CAMTA1: variants seen among roughly 807,000 people sequenced by gnomAD.
The protein encoded by CAMTA1 is calmodulin binding transcription activator 1, also known as calmodulin-binding transcription activator 1.
A neutral mutation model predicts 170.9 loss-of-function variants in CAMTA1; 27 were observed. That is an observed-to-expected ratio of 0.16 (90% CI 0.12 to 0.22). The LOEUF is 0.22. CAMTA1 is among the 10% of genes least tolerant of loss of function. CAMTA1 has a pLI of 1.00. For synonymous variants in CAMTA1, 833 were observed against 891.5 expected (o/e 0.93, Z 1.17); for missense variants, 1,619 against 2,217.2 (o/e 0.73, Z 5.42).
chr1:7,611,930 C>G (rs116436880), intron 6 of CAMTA1, among the ~76,000 whole-genome samples: 1,714 of 152,356 alleles, frequency 0.011, 23 homozygotes, highest in African/African-American at 0.038. Context: ...GGGTATGGCT[C>G]ATTTTCTTGG....
At chr1:7,239,994 T>C (rs999014337) in intron 4 of CAMTA1, among the ~76,000 whole-genome samples, 3 of 152,106 alleles carry the variant, frequency 2.0e-5, no homozygotes, top group Non-Finnish European at 4.4e-5. Context: ...CCTAATCACC[T>C]CTTATTAGGC....
At chr1:7,476,554 T>C (rs1272052984) in intron 6 of CAMTA1, among the ~76,000 whole-genome samples, 2 of 152,096 alleles carry the variant, frequency 1.3e-5, no homozygotes, top group African/African-American at 4.8e-5. Context: ...CCAGTTCCCA[T>C]GAGCCAGTTC....
intron 11 of CAMTA1, among the ~76,000 whole-genome samples, chr1:7,679,433 AC>A (rs1481630541): frequency 6.6e-6 from 1 of 152,186 alleles, no homozygotes; most frequent in African/African-American, 2.4e-5. Flanking sequence ...CCCAGAAGCT[AC>A]GGCACGGGAG....
intron 4 of CAMTA1, among the ~76,000 whole-genome samples, chr1:7,232,004 T>A (rs920856800): frequency 3.3e-5 from 5 of 152,200 alleles, no homozygotes; most frequent in Non-Finnish European, 7.4e-5. Context: ...ATGTTGGGGG[T>A]GCATGCGATG....
chr1:7,618,424 G>A (rs977684616), intron 6 of CAMTA1, among the ~76,000 whole-genome samples: 3 of 152,120 alleles, frequency 2.0e-5, no homozygotes, highest in African/African-American at 7.2e-5. Context: ...CTTTGTGTGC[G>A]GCTCCAGGCT....
chr1:7,762,969 A>G (rs2096986926), intron 22 of CAMTA1, among the ~76,000 whole-genome samples: 1 of 152,212 alleles, frequency 6.6e-6, no homozygotes, highest in African/African-American at 2.4e-5. Context: ...AAACAATAAA[A>G]TATGATTTTT....
intron 19 of CAMTA1, among the ~76,000 whole-genome samples, chr1:7,749,129 T>C (rs2096877609): frequency 6.6e-6 from 1 of 152,226 alleles, no homozygotes; most frequent in South Asian, 2.1e-4. Context: ...TTCGAGAACC[T>C]TTTATCAGAT....
At chr1:7,068,384 A>G (rs1321574893) in intron 3 of CAMTA1, among the ~76,000 whole-genome samples, 1 of 151,844 alleles carries the variant, frequency 6.6e-6, no homozygotes, top group Non-Finnish European at 1.5e-5. Flanking sequence ...ATAAACGCTT[A>G]TTGAGTTGAA....
chr1:7,679,434 C>T (rs989582205), intron 11 of CAMTA1, among the ~76,000 whole-genome samples: 14 of 152,140 alleles, frequency 9.2e-5, no homozygotes, highest in South Asian at 2.1e-4. Flanking sequence ...CCAGAAGCTA[C>T]GGCACGGGAG....
intron 5 of CAMTA1, among the ~76,000 whole-genome samples, chr1:7,424,286 C>A (rs531918863): frequency 1.4e-4 from 22 of 152,220 alleles, no homozygotes; most frequent in Admixed American, 3.9e-4. Flanking sequence ...TTAAAAGAAA[C>A]CAAATTAGAG....
chr1:6,915,643 A>C (rs1680616185), intron 3 of CAMTA1, among the ~76,000 whole-genome samples: 1 of 152,230 alleles, frequency 6.6e-6, no homozygotes, highest in Non-Finnish European at 1.5e-5. Context: ...TGGAGGGCTC[A>C]TCACAGGGCT....
At chr1:7,595,977 A>G (rs1174663991) in intron 6 of CAMTA1, among the ~76,000 whole-genome samples, 4 of 152,198 alleles carry the variant, frequency 2.6e-5, no homozygotes, top group Non-Finnish European at 5.9e-5. Context: ...GACCAGCCTC[A>G]GCCTCTGCCT....
intron 5 of CAMTA1, among the ~76,000 whole-genome samples, chr1:7,461,811 G>A (rs957973110): frequency 1.3e-5 from 2 of 152,238 alleles, no homozygotes; most frequent in South Asian, 2.1e-4. Context: ...GGGGAAAAGG[G>A]CCATGCATGC....
At chr1:7,677,555 G>T in intron 10 of CAMTA1, 44 bp from the exon 11 acceptor site, 1 of 1,596,124 alleles carries the variant, frequency 6.3e-7, no homozygotes. Flanking sequence ...CAGGCTGTAG[G>T]TACCCACCCA....
At chr1:6,901,423 T>G (rs898624244) in intron 3 of CAMTA1, among the ~76,000 whole-genome samples, 1 of 152,204 alleles carries the variant, frequency 6.6e-6, no homozygotes, top group Non-Finnish European at 1.5e-5. Context: ...CAAAAGGTAC[T>G]GTTTAGATAA....
At chr1:7,254,018 C>T (rs1666997569) in intron 5 of CAMTA1, among the ~76,000 whole-genome samples, 1 of 152,022 alleles carries the variant, frequency 6.6e-6, no homozygotes, top group African/African-American at 2.4e-5. Context: ...AATTACAAGG[C>T]CCTGTGTGGG....
chr1:7,479,201 G>A (rs547002913), intron 6 of CAMTA1, among the ~76,000 whole-genome samples: 91 of 152,314 alleles, frequency 6.0e-4, no homozygotes, highest in Middle Eastern at 3.4e-3. Context: ...AGTGGCTCTC[G>A]GGATGCAGGT....
At chr1:7,711,873 T>C (rs1357843390) in intron 11 of CAMTA1, among the ~76,000 whole-genome samples, 1 of 152,214 alleles carries the variant, frequency 6.6e-6, no homozygotes, top group Admixed American at 6.5e-5. Context: ...TTGAGTAATA[T>C]TTCCCAGAAA....
intron 5 of CAMTA1, among the ~76,000 whole-genome samples, chr1:7,342,660 C>T (rs2083920890): frequency 6.6e-6 from 1 of 152,100 alleles, no homozygotes; most frequent in Admixed American, 6.6e-5. Context: ...AGTAATTTGA[C>T]CCTAATATTG....
Sources: allele counts gnomAD v4.1 joint callset (sites outside exome capture counted in the v4.1 genomes callset), GRCh38; gene constraint gnomAD v4.1.1; transcripts MANE v1.5; gene names NCBI Gene and HGNC (gene_info 2026-07-23, HGNC 2026-07-21).